The following GAS2L1 variants were observed in gnomAD, a reference collection of about 807,000 sequenced individuals.
The protein encoded by GAS2L1 is growth arrest specific 2 like 1, also known as GAS2-like protein 1.
In GAS2L1, 26 loss-of-function variants were observed where a neutral mutation model predicts 44.0. The observed-to-expected ratio is 0.59, with a 90% confidence interval of 0.43 to 0.82. The LOEUF (loss-of-function observed/expected upper bound fraction) is 0.82, where lower values mean the gene tolerates loss of function less well. GAS2L1 is among the 40% of genes least tolerant of loss of function. GAS2L1 has a pLI of 0.00. For synonymous variants in GAS2L1, 426 were observed against 415.9 expected, an observed-to-expected ratio of 1.02 and a Z score of -0.30; for missense variants, 1,006 against 983.0, an observed-to-expected ratio of 1.02 and a Z score of -0.31.
At chr22:29,310,971 C>G in exon 4 of GAS2L1, 1 of 1,613,354 alleles carries the variant, frequency 6.2e-7, no homozygotes, top group Non-Finnish European at 8.5e-7. Context: ...TTACGAAGCA[C>G]AAAGGAGGGG....
intron 3 of GAS2L1, 24 bp downstream of exon 4, chr22:29,310,758 G>T (rs755687063): frequency 6.2e-7 from 1 of 1,605,484 alleles, no homozygotes. Context: ...TGGGGCTGGG[G>T]CTGGACGGGC....
chr22:29,311,843 TG>T lies in GAS2L1; in HGVS notation c.1397del (p.Gly466AlafsTer73). On this transcript the variant is annotated frameshift_variant, in exon 5 of 5. Transcript: ENST00000618518. LOFTEE classifies it high-confidence loss of function. ...CATGGGTGCCAAGGGGCAGGGGCAG[TG>T]GGGGCTCGGGCAGGAGCACCCCCCA... The T allele has an allele frequency of 6.3e-7, 1 of 1,593,488 alleles. No homozygotes were observed. The highest frequency in any genetic ancestry group is 8.5e-7 in the Non-Finnish European group (1 of 1,177,458).
intron 1 of GAS2L1, 29 bp from the exon 3 acceptor site, chr22:29,310,410 T>G: frequency 7.7e-7 from 1 of 1,300,568 alleles, no homozygotes; most frequent in Non-Finnish European, 1.1e-6. Context: ...ACTTGACCTC[T>G]GACCCCTACC....
At chr22:29,312,102 C>T (rs759632822) in exon 5 of GAS2L1, 4 of 1,612,780 alleles carry the variant, frequency 2.5e-6, no homozygotes, top group East Asian at 4.5e-5. Context: ...AGCTCGGGCC[C>T]CCGACCCTCC....
chr22:29,309,721 T>A (rs2147898166), intron 1 of GAS2L1, among the ~76,000 whole-genome samples: 1 of 152,326 alleles, frequency 6.6e-6, no homozygotes, highest in African/African-American at 2.4e-5. Flanking sequence ...TCCACATCAG[T>A]GCCCACCCAG....
At chr22:29,308,132 G>A (rs751978551) in exon 1 of GAS2L1, 1 of 1,564,662 alleles carries the variant, frequency 6.4e-7, no homozygotes. Context: ...CGGGCATCGC[G>A]GGCTCGGCGG....
At chr22:29,308,710 C>T (rs372396375) in exon 1 of GAS2L1, 2 of 1,499,752 alleles carry the variant, frequency 1.3e-6, no homozygotes, top group Non-Finnish European at 8.9e-7. Context: ...CGCATGACAC[C>T]CAGCGACCTG....
chr22:29,311,175 C>G, intron 4 of GAS2L1, 177 bp downstream of exon 5: 1 of 625,752 alleles, frequency 1.6e-6, no homozygotes. Flanking sequence ...AACAACACAG[C>G]TGGGGCGGGC....
At chr22:29,307,032 G>A (rs1007115920), upstream of GAS2L1, 3 of 151,610 alleles carry the variant, frequency 2.0e-5, no homozygotes, top group African/African-American at 7.3e-5. Context: ...AGACGGCGGC[G>A]AGGAGGAGGC....
At chr22:29,310,268 TA>T (rs138333337) in intron 1 of GAS2L1, 170 bp from the exon 3 acceptor site, 4 of 373,172 alleles carry the variant, frequency 1.1e-5, no homozygotes, top group African/African-American at 7.0e-5. Flanking sequence ...TAAAAAAAAA[TA>T]AAAAAAATAA....
At position 29,308,541 on chromosome 22, in the gene GAS2L1, CG is replaced by C. The variant is rs2061372620; in HGVS notation, c.437del (p.Arg146LeufsTer55). The C allele has an allele frequency of 6.2e-7, 1 of 1,601,120 alleles. No individual in the cohort carries two copies. Among genetic ancestry groups the C allele is most frequent in the Admixed American group, 1.7e-5 (1 of 58,882 alleles). The stretch of plus-strand genomic sequence containing the variant: ...GCTGTGCCTGCTGGAGGTGGCGCGG[CG>C]TGGGGCACGCCTGGGCCTGCTGGCC... On this transcript the variant is annotated frameshift_variant, in exon 1 of 5. Transcript: ENST00000618518. LOFTEE classifies it high-confidence loss of function.
exon 4 of GAS2L1, chr22:29,310,901 G>T: frequency 6.2e-7 from 1 of 1,613,524 alleles, no homozygotes; most frequent in East Asian, 2.2e-5. Flanking sequence ...TCCCCGCCCT[G>T]CTAGCCCAGT....
rs573168417 is a variant in GAS2L1, at chr22:29,312,349, G to A, written c.1898G>A (p.Arg633Gln). The change falls in exon 5 of 5, where the codon CGG becomes CAG. Residue 633 changes from arginine to glutamine, a missense_variant. Transcript: ENST00000618518. ...ACTGAACCCTCGAGGACCTGGGCAC[G>A]GGGTCGGATGGACACACAGCCAGAC... is the stretch of plus-strand genomic sequence containing the variant. 1.4e-5 allele frequency: 22 copies of A among 1,604,310 alleles called. No homozygotes were observed. In the African/African-American group the frequency reaches 2.3e-4, roughly 17 times the overall value.
At chr22:29,312,584 C>T in exon 5 of GAS2L1, 2 of 996,030 alleles carry the variant, frequency 2.0e-6, no homozygotes, top group East Asian at 2.7e-5. Flanking sequence ...CCCCCTCTGC[C>T]TCTTGAGTAC....
chr22:29,308,316 G>A (rs777729414), exon 1 of GAS2L1: 2 of 1,606,640 alleles, frequency 1.2e-6, no homozygotes, highest in South Asian at 1.1e-5. Flanking sequence ...CGCCGTGACC[G>A]AGGCTGCCCG....
At chr22:29,311,701 C>G (rs760572344) in exon 5 of GAS2L1, 15 of 1,526,312 alleles carry the variant, frequency 9.8e-6, no homozygotes, top group Middle Eastern at 2.1e-4. Flanking sequence ...CCCCGGGGGG[C>G]CCCAGGAGGC....
Position 29,308,673 on chromosome 22 carries a change from G to A in GAS2L1, c.568G>A (p.Ala190Thr), listed in dbSNP as rs750388383. The A allele has an allele frequency of 1.9e-5, 29 of 1,521,848 alleles. 1 individual carries two copies. Among genetic ancestry groups the A allele is most frequent in the South Asian group, 8.9e-5 (7 of 79,022 alleles). The allele number at this position is 1,521,848 out of a possible 1,614,324, so 94.3% of individuals were successfully genotyped here. A position where few individuals can be genotyped will look rare whatever the true frequency, so the allele number is the denominator to read the frequency against. ...GGAGGACACCACTGAAACCGCCCCC[G>A]CACCAGGGACTCCTGCCCGCGGCCC... is the stretch of plus-strand genomic sequence containing the variant. Residue 190 changes from alanine (A) to threonine (T), a missense_variant, in exon 1 of 5, where the codon GCA (alanine) becomes ACA (threonine). By Grantham distance (58) the Ala-to-Thr change is moderately conservative (BLOSUM62 0). Transcript: ENST00000618518.
chr22:29,308,445 C>T (rs1474017931), exon 1 of GAS2L1: 5 of 1,605,744 alleles, frequency 3.1e-6, no homozygotes, highest in East Asian at 2.2e-5. Context: ...CCGCGTGGAG[C>T]TGGGTGTGCC....
chr22:29,308,289 C>T (rs1841428733), exon 1 of GAS2L1: 1 of 1,608,020 alleles, frequency 6.2e-7, no homozygotes, highest in South Asian at 1.1e-5. Flanking sequence ...GGGCACGACC[C>T]TGTGCCAACA....
Sources: allele counts gnomAD v4.1 joint callset (sites outside exome capture counted in the v4.1 genomes callset), GRCh38; gene constraint gnomAD v4.1.1; transcripts MANE v1.5; gene names NCBI Gene and HGNC (gene_info 2026-07-23, HGNC 2026-07-21).